The following UPF1 variants were observed in gnomAD, a reference collection of about 807,000 sequenced individuals.
The protein encoded by UPF1 is UPF1 RNA helicase and ATPase.
In UPF1, 9 loss-of-function variants were observed where a neutral mutation model predicts 129.2. That is an observed-to-expected ratio of 0.07 (90% confidence interval 0.04 to 0.12). The LOEUF (loss-of-function observed/expected upper bound fraction) is 0.12, where lower values mean the gene tolerates loss of function less well. Ranked by LOEUF, UPF1 falls within the 10% of genes least tolerant of loss-of-function variation. UPF1 has a pLI of 1.00. For missense variants in UPF1, 788 were observed against 1,525.3 expected (o/e 0.52, Z 8.05); for synonymous variants, 649 against 644.9 (o/e 1.01, Z -0.10).
In UPF1 at chr19:18,867,931, T is replaced by C. The variant is rs1294406051; in HGVS notation, c.*1414T>C. ...AGGCCACCTTCCTTCTGGCAGGGAC[T>C]CTTATTTATTCCCATTGCTCTAGGG... On this transcript the variant is annotated 3_prime_UTR_variant, in exon 24 of 24. Coordinates refer to ENST00000262803, the MANE Select transcript of UPF1 (RefSeq NM_002911.4). The C allele has an allele frequency of 6.5e-6, 1 of 152,698 alleles. No individual in the cohort carries two copies. The highest frequency in any genetic ancestry group is 1.5e-5 in the Non-Finnish European group (1 of 68,396). 9.5% of individuals were successfully genotyped at this position (152,698 alleles called of 1,614,324 possible).
At chr19:18,833,272 T>C (rs1468218848) in intron 1 of UPF1, 2 of 152,180 alleles carry the variant, frequency 1.3e-5, no homozygotes, top group African/African-American at 4.8e-5. Flanking sequence ...ATTAAGATCA[T>C]TCAGGAAGCA....
intron 1 of UPF1, among the ~76,000 whole-genome samples, chr19:18,844,379 A>G (rs1315655048): frequency 6.6e-6 from 1 of 150,486 alleles, no homozygotes; most frequent in Non-Finnish European, 1.5e-5. Context: ...TGGAGCGTGC[A>G]GTGGCACGGT....
chr19:18,844,753 G>C (rs2055580268), intron 1 of UPF1, among the ~76,000 whole-genome samples: 1 of 152,202 alleles, frequency 6.6e-6, no homozygotes, highest in Admixed American at 6.5e-5. Context: ...CATGTCCCCT[G>C]GCGTGGGCTG....
chr19:18,864,858 C>T (rs914655679), intron 20 of UPF1, among the ~76,000 whole-genome samples: 1 of 148,200 alleles, frequency 6.7e-6, no homozygotes, highest in Non-Finnish European at 1.5e-5. Context: ...CCTGCCTTGG[C>T]CTCCCGAGTA....
intron 14 of UPF1, 150 bp downstream of exon 14, chr19:18,857,170 G>A: frequency 1.4e-6 from 2 of 1,480,082 alleles, no homozygotes; most frequent in South Asian, 1.3e-5. Context: ...GGTGGGTTCT[G>A]CCAGCTGCAC....
rs529756587 is a variant in UPF1, at chr19:18,860,734, C to T, written c.2301-92C>T. 1,622 of 1,528,704 alleles carry T rather than the reference C, an allele frequency of 1.1e-3. 4 individuals are homozygous for T. Among genetic ancestry groups the T allele is most frequent in the Non-Finnish European group, 1.3e-3 (1,425 of 1,132,732 alleles). 94.7% of individuals were successfully genotyped at this position (1,528,704 alleles called of 1,614,324 possible). A position where few individuals can be genotyped will look rare whatever the true frequency, so the allele number is the denominator to read the frequency against. On this transcript the variant is annotated intron_variant, in intron 16 of 23. Coordinates refer to ENST00000262803, the MANE Select transcript of UPF1 (RefSeq NM_002911.4). ...GCCAGTGATGGCAGCTGCCTTCCCG[C>T]AGGGTGTTGTGTCTGCACCCCTCAC... is the stretch of plus-strand genomic sequence containing the variant.
chr19:18,834,292 G>A (rs921932918), intron 1 of UPF1, among the ~76,000 whole-genome samples: 1 of 152,236 alleles, frequency 6.6e-6, no homozygotes, highest in African/African-American at 2.4e-5. Context: ...GGATCGGGGG[G>A]TTGGCTGGGT....
At chr19:18,839,182 C>G (rs1037829274) in intron 1 of UPF1, among the ~76,000 whole-genome samples, 2 of 152,128 alleles carry the variant, frequency 1.3e-5, no homozygotes, top group African/African-American at 4.8e-5. Context: ...ACCTCTGCCT[C>G]CCGGGTTTAA....
At chr19:18,852,381 C>T in intron 6 of UPF1, 85 bp downstream of exon 6, 1 of 1,563,190 alleles carries the variant, frequency 6.4e-7, no homozygotes, top group Non-Finnish European at 8.6e-7. Flanking sequence ...GGTTTTCTCT[C>T]CAGGCTGTGG....
chr19:18,847,088 C>T (rs1332224711), intron 2 of UPF1, among the ~76,000 whole-genome samples: 2 of 152,106 alleles, frequency 1.3e-5, no homozygotes, highest in Non-Finnish European at 2.9e-5. Flanking sequence ...TGAGGCTGCT[C>T]TTCGCTAGGC....
At chr19:18,863,204 G>A in intron 18 of UPF1, 1 of 491,738 alleles carries the variant, frequency 2.0e-6, no homozygotes. Context: ...ACCCAGCCAG[G>A]TGTCTGCCAT....
chr19:18,842,094 C>T (rs1188934252), intron 1 of UPF1, among the ~76,000 whole-genome samples: 1 of 152,020 alleles, frequency 6.6e-6, no homozygotes, highest in Non-Finnish European at 1.5e-5. Context: ...AAGACCCTGT[C>T]TCAAAAAAAT....
Position 18,853,007 on chromosome 19 carries a change from C to T in UPF1, c.993C>T (p.Val331=). The T allele has an allele frequency of 6.2e-7, 1 of 1,614,120 alleles. No homozygotes were observed. The highest frequency in any genetic ancestry group is 8.5e-7 in the Non-Finnish European group (1 of 1,179,980). ...KESQTQDNIT[V]RWDLGLNKKR... ...CTCAGACTCAAGATAACATCACTGT[C>T]AGGTGGGACCTGGGCCTTAACAAGA... The change falls in exon 7 of 24, where the codon GTC becomes GTT. Residue 331 remains valine, a synonymous_variant. Coordinates refer to ENST00000262803, the MANE Select transcript of UPF1 (RefSeq NM_002911.4). This position sits in a 1 kb window ranked among gnomAD's most constrained non-coding sequence, Gnocchi z 4.4.
intron 15 of UPF1, among the ~76,000 whole-genome samples, chr19:18,857,832 C>T (rs867752227): frequency 2.0e-5 from 3 of 152,334 alleles, no homozygotes; most frequent in Admixed American, 6.5e-5. Context: ...GAGCTGAGCC[C>T]GGGCCTTAAC....
intron 1 of UPF1, among the ~76,000 whole-genome samples, chr19:18,844,327 C>CT (rs58392919): frequency 0.059 from 8,271 of 140,012 alleles, 446 homozygotes; most frequent in African/African-American, 0.13. Flanking sequence ...TTTCTTTTTT[C>CT]TTTTTTTTTT....
intron 1 of UPF1, among the ~76,000 whole-genome samples, chr19:18,835,024 T>G (rs2055468860): frequency 6.6e-6 from 1 of 152,076 alleles, no homozygotes; most frequent in Non-Finnish European, 1.5e-5. Flanking sequence ...ATATTCAGAG[T>G]TGTGCAGCCA....
intron 15 of UPF1, among the ~76,000 whole-genome samples, chr19:18,858,830 TAATA>T (rs1247570637): frequency 6.6e-6 from 1 of 152,186 alleles, no homozygotes; most frequent in Non-Finnish European, 1.5e-5. Context: ...TTAAATGAAT[TAATA>T]TATTTTTTAA....
intron 23 of UPF1, 28 bp downstream of exon 23, chr19:18,866,194 C>G (rs1258266830): frequency 2.6e-6 from 4 of 1,545,834 alleles, no homozygotes; most frequent in Non-Finnish European, 3.5e-6. Flanking sequence ...AGGCCTGGCC[C>G]CACCCCAGCC....
chr19:18,855,456 G>T (rs2055706657), intron 11 of UPF1: 5 of 626,100 alleles, frequency 8.0e-6, no homozygotes, highest in Non-Finnish European at 1.4e-5. Context: ...TACTGGTTTA[G>T]AAAACTGGGG....
Sources: gnomAD v4.1 joint callset for allele counts (sites outside exome capture counted in the v4.1 genomes callset) on GRCh38, gnomAD v4.1.1 for gene constraint, Gnocchi (gnomAD v3.1) non-coding constraint, MANE v1.5 for transcripts, NCBI Gene and HGNC (gene_info 2026-07-23, HGNC 2026-07-21) for gene names.